Variants in ZNF644 observed in about 807,000 individuals in gnomAD.
ZNF644 encodes zinc finger motif enhancer binding protein 2.
A neutral mutation model predicts 108.0 loss-of-function variants in ZNF644; 20 were observed. The observed-to-expected ratio is 0.19, with a 90% confidence interval of 0.13 to 0.27. ZNF644 has a LOEUF of 0.27. Ranked by LOEUF, ZNF644 falls within the 10% of genes least tolerant of loss-of-function variation. The probability of loss-of-function intolerance (pLI) is 1.00; values close to 1 mark genes in which losing one functional copy is unlikely to be tolerated. For synonymous variants in ZNF644, 542 were observed against 539.1 expected, an observed-to-expected ratio of 1.01 and a Z score of -0.08; for missense variants, 1,338 against 1,548.9, an observed-to-expected ratio of 0.86 and a Z score of 2.29.
At chr1:91,010,738 G>C (rs1454321978) in intron 1 of ZNF644, among the ~76,000 whole-genome samples, 3 of 151,804 alleles carry the variant, frequency 2.0e-5, no homozygotes, top group Non-Finnish European at 4.4e-5. Flanking sequence ...GAGCTCTTTG[G>C]AGTAGAAGCC....
chr1:90,948,123 T>G (rs1346638486), intron 2 of ZNF644, among the ~76,000 whole-genome samples: 1 of 152,212 alleles, frequency 6.6e-6, no homozygotes, highest in Non-Finnish European at 1.5e-5. Context: ...AAAAAACTGC[T>G]ATACCTATAA....
intron 2 of ZNF644, among the ~76,000 whole-genome samples, chr1:90,943,067 A>G (rs1652155161): frequency 6.6e-6 from 1 of 152,224 alleles, no homozygotes; most frequent in South Asian, 2.1e-4. Flanking sequence ...AACATGTTCA[A>G]TATAGTTCAA....
At chr1:91,013,451 T>A (rs199855191) in intron 1 of ZNF644, among the ~76,000 whole-genome samples, 37 of 140,158 alleles carry the variant, frequency 2.6e-4, no homozygotes, top group African/African-American at 8.8e-4. Context: ...AATCTCTCTC[T>A]CACACACACA....
chr1:91,000,051 A>T (rs111326202), intron 1 of ZNF644, among the ~76,000 whole-genome samples: 10 of 152,322 alleles, frequency 6.6e-5, no homozygotes, highest in African/African-American at 2.4e-4. Context: ...GTCCTTAGAG[A>T]CCTACAAAGA....
intron 4 of ZNF644, among the ~76,000 whole-genome samples, chr1:90,929,056 TTTG>T (rs1650412628): frequency 1.3e-5 from 2 of 152,220 alleles, no homozygotes; most frequent in South Asian, 2.1e-4. Flanking sequence ...GGCTGCTGGT[TTTG>T]TTGTTCTCTT....
chr1:90,947,277 T>C (rs1339415523), intron 2 of ZNF644, among the ~76,000 whole-genome samples: 1 of 152,280 alleles, frequency 6.6e-6, no homozygotes, highest in South Asian at 2.1e-4. Context: ...GAATAAGTGA[T>C]GGTCTCAGCT....
intron 2 of ZNF644, among the ~76,000 whole-genome samples, chr1:90,974,930 T>A (rs778154162): frequency 6.6e-6 from 1 of 152,220 alleles, no homozygotes; most frequent in Non-Finnish European, 1.5e-5. Flanking sequence ...CGGTGAGCTC[T>A]ACATTCAAAA....
chr1:90,919,484 A>C lies in ZNF644; in HGVS notation c.3689-1330T>G, dbSNP rs900454136. 1.3e-5 allele frequency among the ~76,000 whole-genome samples: 2 copies of C among 152,298 alleles called. 1 individual carries two copies. The highest frequency in any genetic ancestry group is 6.8e-3 in the Middle Eastern group (2 of 294). ...ATGGCAATGATAACAGAAATGTCAT[A>C]TAGAAAATTCAAAACCACAAGAAAC... On this transcript the variant is annotated intron_variant, in intron 4 of 5. Transcript: ENST00000337393.
rs552442984 is a variant in ZNF644, at chr1:90,991,901, T to C, written c.-17-9531A>G. 2.8e-4 allele frequency among the ~76,000 whole-genome samples: 43 copies of C among 152,264 alleles called. No individual in the cohort carries two copies. The South Asian group carries it at 7.5e-3, about 26-fold the overall frequency. On this transcript the variant is annotated intron_variant, in intron 1 of 5. Coordinates refer to ENST00000337393, the MANE Select transcript of ZNF644 (RefSeq NM_201269.3). ...GTCCATACCATCCTTATTTGTAATA[T>C]TGAAACACTAGCGGAAAAATGTCCA...
rs749524844 is a variant in ZNF644 at position 90,939,236 on chromosome 1, A to G, written c.2118T>C (p.His706=). 7.4e-6 allele frequency: 12 copies of G among 1,613,874 alleles called. No homozygotes were observed. The Admixed American group carries it at 1.0e-4, about 13-fold the overall frequency. The change falls in exon 3 of 6, where the codon CAT becomes CAC. Residue 706 remains histidine (H), a synonymous_variant. Transcript: ENST00000337393. ...CGCTGCTTTTAATTGTAACATTCTT[A>G]TGAGGAGAGCTGTTTTGATTGCACA... ...VNMCNQNSSP[H]KNVTIKSSVD...
chr1:90,948,341 T>G (rs143958504), intron 2 of ZNF644, among the ~76,000 whole-genome samples: 1 of 152,190 alleles, frequency 6.6e-6, no homozygotes, highest in Non-Finnish European at 1.5e-5. Flanking sequence ...CAAGGCACAT[T>G]ATAGTATGCA....
chr1:90,972,221 A>G (rs748809192), intron 2 of ZNF644, among the ~76,000 whole-genome samples: 1 of 152,218 alleles, frequency 6.6e-6, no homozygotes, highest in Non-Finnish European at 1.5e-5. Context: ...ATGGGAGAAA[A>G]TATCTCTGCA....
chr1:91,016,719 CA>C (rs1660467493), intron 1 of ZNF644, among the ~76,000 whole-genome samples: 1 of 152,188 alleles, frequency 6.6e-6, no homozygotes. Flanking sequence ...TGATAGACTA[CA>C]GGTAAACATG....
At chr1:91,017,367 G>C (rs984153328) in intron 1 of ZNF644, among the ~76,000 whole-genome samples, 1 of 152,130 alleles carries the variant, frequency 6.6e-6, no homozygotes, top group Non-Finnish European at 1.5e-5. Context: ...AGACAGAAGA[G>C]GTAGGGCCAA....
At position 90,916,775 on chromosome 1, in the gene ZNF644, G is replaced by A. The variant is rs749553890; in HGVS notation, c.*23C>T. ...TCAAATTTACATCCAATTCAAACTGGCTATTTAAAAGGTTTCCTGGTTCTA... is the reference window on the plus strand; with the variant it reads ...TCAAATTTACATCCAATTCAAACTGACTATTTAAAAGGTTTCCTGGTTCTA... On this transcript the variant is annotated 3_prime_UTR_variant, in exon 6 of 6. Transcript: ENST00000337393. 4 of 1,612,224 alleles carry A rather than the reference G, an allele frequency of 2.5e-6. No homozygotes were observed. Among genetic ancestry groups the A allele is most frequent in the Middle Eastern group, 1.7e-4 (1 of 5,834 alleles).
chr1:90,951,565 A>C (rs1653169742), intron 2 of ZNF644, among the ~76,000 whole-genome samples: 1 of 152,186 alleles, frequency 6.6e-6, no homozygotes, highest in South Asian at 2.1e-4. Context: ...GTCTTTGCTC[A>C]ATCATTATCT....
intron 1 of ZNF644, among the ~76,000 whole-genome samples, chr1:90,995,981 T>C (rs187250083): frequency 9.3e-4 from 141 of 152,300 alleles, no homozygotes; most frequent in Non-Finnish European, 1.6e-3. Context: ...AGCCACCCAG[T>C]CTATAGTACT....
At chr1:90,950,155 G>A (rs924007268) in intron 2 of ZNF644, among the ~76,000 whole-genome samples, 1 of 150,388 alleles carries the variant, frequency 6.6e-6, no homozygotes, top group Non-Finnish European at 1.5e-5. Flanking sequence ...CCATGCACCT[G>A]TAGTCCCTGC....
chr1:90,942,935 G>T (rs1247123665), intron 2 of ZNF644, among the ~76,000 whole-genome samples: 1 of 152,070 alleles, frequency 6.6e-6, no homozygotes, highest in African/African-American at 2.4e-5. Flanking sequence ...GACAAGTTAG[G>T]TTCCTGCTCT....
Sources: gnomAD v4.1 joint callset for allele counts (sites outside exome capture counted in the v4.1 genomes callset) on GRCh38, gnomAD v4.1.1 for gene constraint, MANE v1.5 for transcripts, NCBI Gene and HGNC (gene_info 2026-07-23, HGNC 2026-07-21) for gene names.